Variants in ZNF652 observed in about 807,000 individuals in gnomAD.
ZNF652 encodes the protein zinc finger protein 652.
A neutral mutation model predicts 45.2 loss-of-function variants in ZNF652; 16 were observed. The observed-to-expected ratio is 0.35, with a 90% CI of 0.24 to 0.54. The LOEUF is 0.54. ZNF652 is among the 20% of genes least tolerant of loss of function. The probability of loss-of-function intolerance (pLI) is 0.91; values close to 1 mark genes in which losing one functional copy is unlikely to be tolerated. For missense variants in ZNF652, 614 were observed against 765.6 expected, an observed-to-expected ratio of 0.80 and a Z score of 2.34; for synonymous variants, 250 against 260.6, an observed-to-expected ratio of 0.96 and a Z score of 0.39.
At chr17:49,356,550 T>C (rs114052261) in intron 1 of ZNF652, among the ~76,000 whole-genome samples, 37 of 152,008 alleles carry the variant, frequency 2.4e-4, no homozygotes, top group African/African-American at 8.7e-4. Context: ...ATTTTGTTTG[T>C]TTAGTCATTC....
chr17:49,309,645 C>T (rs1452763496), intron 5 of ZNF652, among the ~76,000 whole-genome samples: 2 of 152,102 alleles, frequency 1.3e-5, no homozygotes, highest in African/African-American at 4.8e-5. Flanking sequence ...ATCCAAAAGC[C>T]ACCAAATTAT....
intron 5 of ZNF652, among the ~76,000 whole-genome samples, chr17:49,299,836 C>T (rs918860892): frequency 4.0e-5 from 6 of 151,522 alleles, no homozygotes; most frequent in East Asian, 1.9e-4. Context: ...CCAGCTACCA[C>T]GCCTGGCTAT....
chr17:49,311,948 T>C lies in ZNF652; in HGVS notation c.1143A>G (p.Gly381=). 6 of 1,613,622 alleles carry C rather than the reference T, an allele frequency of 3.7e-6. No homozygotes were observed. Among genetic ancestry groups the C allele is most frequent in the Non-Finnish European group, 5.1e-6 (6 of 1,179,642 alleles). Residue 381 remains glycine (G), a synonymous_variant, in exon 4 of 6, where the codon GGA becomes GGG. Transcript: ENST00000430262. The stretch of plus-strand genomic sequence containing the variant: ...TTACCTCGCATCTAAAGGGCTTCTC[T>C]CCAGAATGCTGCAAGGAGTGCACCT... ...SLKVHSLQHS[G]EKPFRCENCD...
In ZNF652 at chr17:49,317,866, A is replaced by G; in HGVS notation, c.-141T>C. ...AAGATATTCCTGGAAACTGTGTGCAATTCTTCCAGTGTTGCAGCACCAAAG... is the reference window on the plus strand; with the variant it reads ...AAGATATTCCTGGAAACTGTGTGCAGTTCTTCCAGTGTTGCAGCACCAAAG... On this transcript the variant is annotated 5_prime_UTR_variant, in exon 2 of 6. Transcript: ENST00000430262. The G allele has an allele frequency of 1.0e-6, 1 of 961,508 alleles. No homozygotes were observed. Among genetic ancestry groups the G allele is most frequent in the Non-Finnish European group, 1.5e-6 (1 of 681,866 alleles). 59.6% of individuals were successfully genotyped at this position (961,508 alleles called of 1,614,324 possible).
rs1380698836 is a variant in ZNF652, at chr17:49,293,650, A to G, written c.*4763T>C. On this transcript the variant is annotated 3_prime_UTR_variant, in exon 6 of 6. Transcript: ENST00000430262. The stretch of plus-strand genomic sequence containing the variant: ...TATTTCTAATGGCTTATGACCTTTC[A>G]TTCCTAAAAAAAAAAAAAAAAAAAA... Among the ~76,000 whole-genome samples, 3 of 97,716 alleles carry G rather than the reference A, an allele frequency of 3.1e-5. No homozygotes were observed. The highest frequency in any genetic ancestry group is 8.4e-4 in the South Asian group (2 of 2,372). 64.1% of individuals were successfully genotyped at this position (97,716 alleles called of 152,430 possible). A position where few individuals can be genotyped will look rare whatever the true frequency, so the allele number is the denominator to read the frequency against.
At chr17:49,299,811 G>A (rs1033749029) in intron 5 of ZNF652, among the ~76,000 whole-genome samples, 1 of 150,170 alleles carries the variant, frequency 6.7e-6, no homozygotes, top group Non-Finnish European at 1.5e-5. Context: ...CAAATAGCTG[G>A]GACTACTACA....
At chr17:49,336,787 C>T (rs899995054) in intron 1 of ZNF652, among the ~76,000 whole-genome samples, 9 of 151,808 alleles carry the variant, frequency 5.9e-5, no homozygotes, top group Non-Finnish European at 1.0e-4. Context: ...CTACCACACC[C>T]AGCTAGTTTT....
chr17:49,316,783 G>A (rs370177045), intron 2 of ZNF652, 43 bp downstream of exon 2: 1 of 1,559,190 alleles, frequency 6.4e-7, no homozygotes, highest in African/African-American at 1.4e-5. Context: ...TGAACAGCCA[G>A]GTTCTATCCT....
intron 1 of ZNF652, among the ~76,000 whole-genome samples, chr17:49,327,757 ATATATATATATATATATATATATTT>A (rs1404788053): frequency 0.33 from 4,822 of 14,410 alleles, 293 homozygotes; most frequent in Middle Eastern, 0.38. Context: ...ATATATATAT[ATATATATATATATATATATATATTT>A]TTTTTTTTTT....
chr17:49,358,534 T>C (rs1047534434), intron 1 of ZNF652, among the ~76,000 whole-genome samples: 1 of 152,194 alleles, frequency 6.6e-6, no homozygotes, highest in African/African-American at 2.4e-5. Flanking sequence ...TTCAAGAGTA[T>C]AGTCACATTT....
At chr17:49,312,291 G>A (rs192596015) in intron 3 of ZNF652, among the ~76,000 whole-genome samples, 126 of 148,308 alleles carry the variant, frequency 8.5e-4, no homozygotes, top group African/African-American at 2.7e-3. Context: ...TCAGCCTCCC[G>A]AGTAGTTGGG....
intron 1 of ZNF652, among the ~76,000 whole-genome samples, chr17:49,333,448 A>C (rs1253838361): frequency 1.4e-5 from 2 of 146,296 alleles, no homozygotes; most frequent in East Asian, 4.2e-4. Flanking sequence ...GGTGGCTCAC[A>C]CCTGTAATCC....
chr17:49,337,728 CTT>C (rs2070101113), intron 1 of ZNF652, among the ~76,000 whole-genome samples: 1 of 152,034 alleles, frequency 6.6e-6, no homozygotes. Flanking sequence ...GCAGAAATTC[CTT>C]TTTCTTTTCT....
rs754432587 is a variant in ZNF652, at chr17:49,298,708, G to T, written c.1526C>A (p.Thr509Lys). ...AGGAACTGGGGTGGCTGGGGAAGTT[G>T]TAAGTGGGATCTGGACAGCAGGTGG... ...NVPPAVQIPLTTSPATPVPSV... is the reference protein window; with the variant it reads ...NVPPAVQIPLKTSPATPVPSV... The change falls in exon 6 of 6, where the codon ACA becomes AAA. Residue 509 changes from threonine (T) to lysine (K), a missense_variant. By Grantham distance (78) the Thr-to-Lys change is moderately conservative. Transcript: ENST00000430262. The T allele has an allele frequency of 2.5e-6, 4 of 1,613,972 alleles. No homozygotes were observed. Among genetic ancestry groups the T allele is most frequent in the African/African-American group, 2.7e-5 (2 of 74,916 alleles).
chr17:49,345,840 CAA>C (rs11381958), intron 1 of ZNF652, among the ~76,000 whole-genome samples: 12 of 115,684 alleles, frequency 1.0e-4, no homozygotes, highest in East Asian at 2.4e-4. Context: ...GACTCCATCT[CAA>C]AAAAAAAAAA....
chr17:49,351,014 T>TACACAC (rs370792940), intron 1 of ZNF652, among the ~76,000 whole-genome samples: 154 of 29,640 alleles, frequency 5.2e-3, no homozygotes, highest in East Asian at 0.011. Context: ...TATATATATA[T>TACACAC]ACACACACAC....
intron 1 of ZNF652, among the ~76,000 whole-genome samples, chr17:49,339,721 A>AT (rs1245542208): frequency 6.6e-6 from 1 of 152,062 alleles, no homozygotes; most frequent in Admixed American, 6.6e-5. Context: ...ATGTTCTGGA[A>AT]TTTTTTTTGT....
intron 2 of ZNF652, 41 bp downstream of exon 2, chr17:49,316,785 T>C: frequency 6.4e-7 from 1 of 1,566,440 alleles, no homozygotes; most frequent in Non-Finnish European, 8.6e-7. Context: ...AACAGCCAGG[T>C]TCTATCCTGA....
At chr17:49,335,349 C>T (rs1442478961) in intron 1 of ZNF652, among the ~76,000 whole-genome samples, 2 of 152,130 alleles carry the variant, frequency 1.3e-5, no homozygotes, top group Admixed American at 6.6e-5. Context: ...CAGGTTATTT[C>T]ACCTTTCTAG....
Sources: allele counts gnomAD v4.1 joint callset (sites outside exome capture counted in the v4.1 genomes callset), GRCh38; gene constraint gnomAD v4.1.1; transcripts MANE v1.5; gene names NCBI Gene and HGNC (gene_info 2026-07-23, HGNC 2026-07-21).